SFXN5: variants seen among roughly 807,000 people sequenced by gnomAD.
The protein encoded by SFXN5 is sideroflexin-5.
Under a neutral mutation model 50.2 loss-of-function variants are expected in SFXN5, and 43 were observed. The ratio of observed to expected loss-of-function variants is 0.86; its 90% confidence interval spans 0.67 to 1.11. SFXN5 has a LOEUF of 1.11. Ranked by LOEUF, SFXN5 falls within the 50% of genes least tolerant of loss-of-function variation. The pLI is 0.00. For synonymous variants in SFXN5, 203 were observed against 185.8 expected (o/e 1.09, Z -0.75); for missense variants, 463 against 454.1 (o/e 1.02, Z -0.18).
intron 13 of SFXN5, among the ~76,000 whole-genome samples, chr2:72,956,560 G>C (rs1673110997): frequency 6.6e-6 from 1 of 152,176 alleles, no homozygotes; most frequent in African/African-American, 2.4e-5. Context: ...TTCTGCCTGG[G>C]TACAAAGCCT....
chr2:73,047,298 A>ATATAT lies in SFXN5; in HGVS notation c.172-6368_172-6367insATATA, dbSNP rs1394689911. ...TATACACACATATATATATATATATAAAATATATATGTGTGTGTATGTATA... is the reference window on the plus strand; with the variant it reads ...TATACACACATATATATATATATATATATATAAATATATATGTGTGTGTATGTATA... On this transcript the variant is annotated intron_variant, in intron 2 of 13. Transcript: ENST00000272433. Among the ~76,000 whole-genome samples the ATATAT allele has an allele frequency of 8.6e-4, 86 of 99,570 alleles. 2 individuals are homozygous for ATATAT. The highest frequency in any genetic ancestry group is 3.5e-3 in the African/African-American group (82 of 23,198). 65.3% of individuals were successfully genotyped at this position (99,570 alleles called of 152,430 possible).
chr2:72,985,722 T>G (rs1011428791), intron 10 of SFXN5, among the ~76,000 whole-genome samples: 3 of 151,988 alleles, frequency 2.0e-5, no homozygotes, highest in African/African-American at 7.3e-5. Flanking sequence ...ATGCAACCCG[T>G]GAGGGATGTT....
At chr2:73,023,129 G>T in intron 4 of SFXN5, 59 bp downstream of exon 4, 1 of 1,558,598 alleles carries the variant, frequency 6.4e-7, no homozygotes. Flanking sequence ...CCTGGGACAG[G>T]GCAGGGTGGA....
intron 4 of SFXN5, among the ~76,000 whole-genome samples, chr2:73,022,983 G>A (rs577776557): frequency 1.2e-4 from 18 of 152,282 alleles, no homozygotes; most frequent in African/African-American, 3.8e-4. Flanking sequence ...GAGAACCCAG[G>A]GAAAGGCCAG....
intron 10 of SFXN5, among the ~76,000 whole-genome samples, chr2:72,979,371 T>C (rs767330283): frequency 1.6e-3 from 240 of 152,228 alleles, no homozygotes; most frequent in African/African-American, 5.5e-3. Context: ...CAGTGGCTCA[T>C]GCCTGTAATC....
chr2:73,024,212 C>T lies in SFXN5; in HGVS notation c.250-998G>A, dbSNP rs765203180. ...CTAATTTTTGTATTTTTAGTAGAGA[C>T]GGGGTTTCACCATGTTGGTAAGGCT... On this transcript the variant is annotated intron_variant, in intron 3 of 13. Coordinates refer to ENST00000272433, the MANE Select transcript of SFXN5 (RefSeq NM_144579.3). Among the ~76,000 whole-genome samples, 6 of 151,910 alleles carry T rather than the reference C, an allele frequency of 3.9e-5. No individual in the cohort carries two copies. In the East Asian group the frequency reaches 7.7e-4, roughly 20 times the overall value.
At chr2:72,966,589 G>C (rs766805751) in intron 12 of SFXN5, among the ~76,000 whole-genome samples, 1 of 152,162 alleles carries the variant, frequency 6.6e-6, no homozygotes, top group Non-Finnish European at 1.5e-5. Context: ...CCCTCTTCTA[G>C]GGTGAGAGAG....
chr2:73,064,229 C>T (rs866781556), intron 1 of SFXN5, among the ~76,000 whole-genome samples: 1 of 152,244 alleles, frequency 6.6e-6, no homozygotes, highest in Non-Finnish European at 1.5e-5. Context: ...TACTGCTCTT[C>T]GATTAGGAAT....
chr2:73,071,474 C>T (rs1462353554), intron 1 of SFXN5, 130 bp downstream of exon 1: 1 of 774,642 alleles, frequency 1.3e-6, no homozygotes. Context: ...CGAGGTTCCC[C>T]CCCTGGCGCT....
chr2:72,969,078 G>C (rs575688900), intron 11 of SFXN5, among the ~76,000 whole-genome samples: 1 of 152,176 alleles, frequency 6.6e-6, no homozygotes, highest in East Asian at 1.9e-4. Flanking sequence ...AAAGTACTGG[G>C]ATTACAGGTG....
At chr2:72,947,747 C>T (rs1672117629) in intron 13 of SFXN5, among the ~76,000 whole-genome samples, 2 of 152,078 alleles carry the variant, frequency 1.3e-5, no homozygotes, top group Admixed American at 6.5e-5. Context: ...CCCGAGAGGG[C>T]CAAACAGAGG....
intron 10 of SFXN5, among the ~76,000 whole-genome samples, chr2:72,979,122 A>G (rs1046782838): frequency 2.0e-5 from 3 of 152,226 alleles, no homozygotes; most frequent in African/African-American, 7.2e-5. Context: ...AGTTAATATA[A>G]ATTTTGAAAA....
chr2:73,031,749 T>C lies in SFXN5; in HGVS notation c.250-8535A>G, dbSNP rs573870063. ...AGTCATGATCTGATCTTGTTTGGGC[T>C]GATCCCATCACCAGGCTGCAGTGAC... On this transcript the variant is annotated intron_variant, in intron 3 of 13. Transcript: ENST00000272433. Among the ~76,000 whole-genome samples the C allele has an allele frequency of 7.1e-4, 108 of 152,338 alleles. 1 individual carries two copies. The South Asian group carries it at 0.021, about 30-fold the overall frequency.
chr2:73,040,660 T>G (rs1245537365), intron 3 of SFXN5, among the ~76,000 whole-genome samples, 194 bp downstream of exon 3: 1 of 152,202 alleles, frequency 6.6e-6, no homozygotes, highest in African/African-American at 2.4e-5. Flanking sequence ...CTTATCAGCC[T>G]CCATGCTTCC....
At chr2:72,946,460 G>A (rs979532886) in intron 13 of SFXN5, among the ~76,000 whole-genome samples, 1 of 152,112 alleles carries the variant, frequency 6.6e-6, no homozygotes, top group African/African-American at 2.4e-5. Flanking sequence ...GGGGTCCTTG[G>A]GGCTTGGTCT....
chr2:73,026,074 G>A (rs1677505582), intron 3 of SFXN5, among the ~76,000 whole-genome samples: 1 of 152,042 alleles, frequency 6.6e-6, no homozygotes. Context: ...CAGGCCATCA[G>A]CGCAATGCTG....
At chr2:72,948,596 G>A (rs996804009) in intron 13 of SFXN5, among the ~76,000 whole-genome samples, 20 of 152,196 alleles carry the variant, frequency 1.3e-4, no homozygotes, top group Admixed American at 3.9e-4. Context: ...GCAGGACCAC[G>A]GCCCAGGGCC....
chr2:73,053,173 C>T (rs1309613369), intron 2 of SFXN5, among the ~76,000 whole-genome samples: 2 of 135,624 alleles, frequency 1.5e-5, no homozygotes, highest in East Asian at 4.2e-4. Flanking sequence ...GACTCTGCCT[C>T]GAAAAAAAAA....
At position 72,988,960 on chromosome 2, in the gene SFXN5, A is replaced by T. The variant is rs191697686; in HGVS notation, c.535-612T>A. On this transcript the variant is annotated intron_variant, in intron 9 of 13. Coordinates refer to ENST00000272433, the MANE Select transcript of SFXN5 (RefSeq NM_144579.3). ...TGTCACCTGGCCCAGGATGCCAGAC[A>T]CCCCACCCCAGCCCCTGCCTGGGGT... Among the ~76,000 whole-genome samples, 3 of 150,892 alleles carry T rather than the reference A, an allele frequency of 2.0e-5. No homozygotes were observed. In the East Asian group the frequency reaches 5.8e-4, roughly 29 times the overall value.
Sources: gnomAD v4.1 joint callset for allele counts (sites outside exome capture counted in the v4.1 genomes callset) on GRCh38, gnomAD v4.1.1 for gene constraint, MANE v1.5 for transcripts, NCBI Gene and HGNC (gene_info 2026-07-23, HGNC 2026-07-21) for gene names.